BAG6: variants seen among roughly 807,000 people sequenced by gnomAD.
BAG6 encodes the protein BAG cochaperone 6, also known as large proline-rich protein BAG6.
A neutral mutation model predicts 121.0 loss-of-function variants in BAG6; 22 were observed. The observed-to-expected ratio is 0.18, with a 90% confidence interval of 0.13 to 0.26. BAG6 has a LOEUF of 0.26. BAG6 is among the 10% of genes least tolerant of loss of function. The pLI is 1.00. For synonymous variants in BAG6, 583 were observed against 584.6 expected (o/e 1.00, Z 0.04); for missense variants, 1,233 against 1,537.7 (o/e 0.80, Z 3.31).
rs370801290 is a variant in BAG6, at chr6:31,639,265, C to G, written c.3394-39G>C. 2 of 1,577,294 alleles carry G rather than the reference C, an allele frequency of 1.3e-6. 1 individual carries two copies. Among genetic ancestry groups the G allele is most frequent in the South Asian group, 2.2e-5 (2 of 89,272 alleles). ...GTAAGCAGGTTGGAGAAACGCTGGC[C>G]AAGTCCCCATGATCCCAGCAAGCAC... On this transcript the variant is annotated intron_variant, in intron 25 of 25. Coordinates refer to ENST00000676615, the MANE Select transcript of BAG6 (RefSeq NM_001387994.1).
intron 7 of BAG6, among the ~76,000 whole-genome samples, chr6:31,647,342 A>G (rs746569373): frequency 7.9e-5 from 12 of 152,192 alleles, no homozygotes; most frequent in Non-Finnish European, 1.5e-4. Context: ...GTGAACTCAG[A>G]GGAGAATTCC....
At chr6:31,642,442 T>A in intron 15 of BAG6, 39 bp from the exon 16 acceptor site, 1 of 921,792 alleles carries the variant, frequency 1.1e-6, no homozygotes, top group Non-Finnish European at 1.7e-6. Flanking sequence ...GAAAGTGAGG[T>A]GAGAATGAAG....
intron 2 of BAG6, among the ~76,000 whole-genome samples, chr6:31,650,956 A>G (rs1182767491): frequency 6.6e-6 from 1 of 152,210 alleles, no homozygotes; most frequent in Non-Finnish European, 1.5e-5. Context: ...ACCTATCTCC[A>G]TTATGGGTTC....
Position 31,649,302 on chromosome 6 carries a change from G to A in BAG6, c.320C>T (p.Ala107Val). 6.2e-7 allele frequency: 1 copy of A among 1,613,356 alleles called. No homozygotes were observed. Among genetic ancestry groups the A allele is most frequent in the Non-Finnish European group, 8.5e-7 (1 of 1,179,994 alleles). ...GASSGTGSAS[A>V]THGGGSPPGT... ...AGGGGGGGATCCCCCACCATGAGTG[G>A]CTGAGGCAGACCCCGTCCCAGAAGA... The change falls in exon 4 of 26, where the codon GCC becomes GTC. Residue 107 changes from alanine (A) to valine (V), a missense_variant. By Grantham distance (64) the Ala-to-Val change is moderately conservative. Transcript: ENST00000676615.
chr6:31,651,959 G>A, intron 1 of BAG6, 183 bp from the exon 2 acceptor site: 1 of 549,718 alleles, frequency 1.8e-6, no homozygotes, highest in East Asian at 2.8e-5. Flanking sequence ...AAGGGCAGGA[G>A]ATCGACGGCT....
Position 31,651,284 on chromosome 6 carries a change from A to G in BAG6, c.108+372T>C, listed in dbSNP as rs1423695941. Among the ~76,000 whole-genome samples, 2 of 152,274 alleles carry G rather than the reference A, an allele frequency of 1.3e-5. 1 individual carries two copies. Among genetic ancestry groups the G allele is most frequent in the Admixed American group, 1.3e-4 (2 of 15,284 alleles). ...CCAGGTGCGGTGGCTCATGCCTGTA[A>G]TACCAGCACTTTGGGAGGCCGAGGA... is the stretch of plus-strand genomic sequence containing the variant. On this transcript the variant is annotated intron_variant, in intron 2 of 25. Coordinates refer to ENST00000676615, the MANE Select transcript of BAG6 (RefSeq NM_001387994.1).
At chr6:31,648,039 A>G (rs559924277) in intron 6 of BAG6, among the ~76,000 whole-genome samples, 91 of 148,910 alleles carry the variant, frequency 6.1e-4, no homozygotes, top group African/African-American at 2.1e-3. Flanking sequence ...TTTTTGAGAC[A>G]GAGTCTCGCT....
At chr6:31,639,872 G>T in intron 24 of BAG6, 1 of 661,202 alleles carries the variant, frequency 1.5e-6, no homozygotes, top group Non-Finnish European at 2.5e-6. Context: ...TCTTCAAAAC[G>T]AAAGGCAGAA....
chr6:31,644,320 G>GA lies in BAG6; in HGVS notation c.1541_1542insT (p.Ser515LeufsTer120). On this transcript the variant is annotated frameshift_variant, in exon 12 of 26. Coordinates refer to ENST00000676615, the MANE Select transcript of BAG6 (RefSeq NM_001387994.1). LOFTEE classifies it high-confidence loss of function. This position sits in a 1 kb window ranked among gnomAD's most constrained non-coding sequence, Gnocchi z 4.9. ...CCAGGTCATTACCTGCGGCCGCGGA[G>GA]GCAACAGCTGCCACCATGGCCTGAT... 6.4e-7 allele frequency: 1 copy of GA among 1,551,800 alleles called. No individual in the cohort carries two copies. The highest frequency in any genetic ancestry group is 8.7e-7 in the Non-Finnish European group (1 of 1,147,170).
Position 31,639,589 on chromosome 6 carries a change from T to C in BAG6, c.3304A>G (p.Lys1102Glu). 1 of 1,614,048 alleles carries C rather than the reference T, an allele frequency of 6.2e-7. No individual in the cohort carries two copies. Reference sequence around the variant, plus strand: ...GTCAGGGGCCGAGCTCCGGCTGCCTTAGCTGCCCGGCTCACAGCCTCTGAG... The same window carrying C: ...GTCAGGGGCCGAGCTCCGGCTGCCTCAGCTGCCCGGCTCACAGCCTCTGAG... The part of the protein sequence containing the change: ...LLSEAVSRAA[K>E]AAGARPLTSP... Residue 1102 changes from lysine (K) to glutamate (E), a missense_variant, in exon 25 of 26, where the codon AAG (lysine) becomes GAG (glutamate). Lys to Glu is a moderately conservative substitution (Grantham distance 56). Around this residue, in one of 7 missense-constraint regions of BAG6, gnomAD observed 102 missense variants for 103.2 expected, o/e 0.99. Coordinates refer to ENST00000676615, the MANE Select transcript of BAG6 (RefSeq NM_001387994.1).
Position 31,649,112 on chromosome 6 carries a change from G to A in BAG6, c.423+87C>T, listed in dbSNP as rs562038939. On this transcript the variant is annotated intron_variant, in intron 4 of 25. Coordinates refer to ENST00000676615, the MANE Select transcript of BAG6 (RefSeq NM_001387994.1). ...CAGGGCCCCCTGAACCCAATCTAAA[G>A]ATGGAAGCATCTATCTTATTAATTC... The A allele has an allele frequency of 2.6e-6, 4 of 1,558,830 alleles. 1 individual carries two copies. In the South Asian group the frequency reaches 3.4e-5, roughly 13 times the overall value.
rs779093154 is a variant in BAG6 at position 31,639,118 on chromosome 6, A to T, written c.*13T>A. On this transcript the variant is annotated 3_prime_UTR_variant, in exon 26 of 26. Coordinates refer to ENST00000676615, the MANE Select transcript of BAG6 (RefSeq NM_001387994.1). ...AACGGTCCCCTGATGAGGAAGGGCCATAGAGCAAAGAGCTAAGGATCATCA... is the reference window on the plus strand; with the variant it reads ...AACGGTCCCCTGATGAGGAAGGGCCTTAGAGCAAAGAGCTAAGGATCATCA... 3.7e-6 allele frequency: 6 copies of T among 1,603,556 alleles called. No homozygotes were observed. Among genetic ancestry groups the T allele is most frequent in the Non-Finnish European group, 4.3e-6 (5 of 1,173,500 alleles).
rs762152993 is a variant in BAG6 at position 31,649,279 on chromosome 6, G to A, written c.343C>T (p.Pro115Ser). 2 of 1,613,138 alleles carry A rather than the reference G, an allele frequency of 1.2e-6. No homozygotes were observed. ...ASATHGGGSPPGTRGPGASVH... is the reference protein window; with the variant it reads ...ASATHGGGSPSGTRGPGASVH... ...GAGGCCCCAGGCCCCCGAGTACCAG[G>A]GGGGGATCCCCCACCATGAGTGGCT... The change falls in exon 4 of 26, where the codon CCT becomes TCT. Residue 115 changes from proline to serine, a missense_variant. Physicochemically the swap from Pro to Ser is moderately conservative, Grantham distance 74. Transcript: ENST00000676615.
At position 31,640,955 on chromosome 6, in the gene BAG6, A is replaced by C. The variant is rs1782139973; in HGVS notation, c.2788-17T>G. 1 of 1,610,518 alleles carries C rather than the reference A, an allele frequency of 6.2e-7. No homozygotes were observed. Among genetic ancestry groups the C allele is most frequent in the African/African-American group, 1.3e-5 (1 of 74,846 alleles). On this transcript the variant is annotated splice_polypyrimidine_tract_variant and intron_variant, in intron 20 of 25. Coordinates refer to ENST00000676615, the MANE Select transcript of BAG6 (RefSeq NM_001387994.1). The surrounding 1 kb of genome is among the most constrained non-coding windows in gnomAD (Gnocchi z 4.2). ...CATACGACGCTGAGGGACAGAAAGC[A>C]GATTTAGAACACAAAACCCTCAACC... is the stretch of plus-strand genomic sequence containing the variant.
Position 31,639,036 on chromosome 6 carries a change from AAGC to A in BAG6, c.*92_*94del, listed in dbSNP as rs1779299446. ...ACCTAATGGAGACAATGTAGAGAGA[AAGC>A]AGCCAGAAAAATCCGACTTTTATTT... is the stretch of plus-strand genomic sequence containing the variant. On this transcript the variant is annotated 3_prime_UTR_variant, in exon 26 of 26. Coordinates refer to ENST00000676615, the MANE Select transcript of BAG6 (RefSeq NM_001387994.1). 4 of 991,130 alleles carry A rather than the reference AAGC, an allele frequency of 4.0e-6. No individual in the cohort carries two copies. Among genetic ancestry groups the A allele is most frequent in the South Asian group, 1.6e-5 (1 of 63,796 alleles). The allele number at this position is 991,130 out of a possible 1,614,324, so 61.4% of individuals were successfully genotyped here. A position where few individuals can be genotyped will look rare whatever the true frequency, so the allele number is the denominator to read the frequency against.
Position 31,643,048 on chromosome 6 carries a change from G to C in BAG6, c.1824C>G (p.Thr608=). 6.3e-7 allele frequency: 1 copy of C among 1,589,132 alleles called. No homozygotes were observed. Among genetic ancestry groups the C allele is most frequent in the Non-Finnish European group, 8.5e-7 (1 of 1,169,828 alleles). Residue 608 remains threonine, a synonymous_variant, in exon 15 of 26, where the codon ACC becomes ACG. Transcript: ENST00000676615. ...PATASASAGT[T]NTATTAGPAP... ...CGGGGCCAGCTGTGGTAGCTGTGTT[G>C]GTGGTGCCAGCACTGGCAGAAGCAG...
chr6:31,651,640 T>C lies in BAG6; in HGVS notation c.108+16A>G. On this transcript the variant is annotated intron_variant, in intron 2 of 25. Transcript: ENST00000676615. Reference sequence around the variant, plus strand: ...AAAAGCTAAAGGTGTCTTCCAGAACTAGTGAGGTGTCTCACCTGGGCCCCC... The same window carrying C: ...AAAAGCTAAAGGTGTCTTCCAGAACCAGTGAGGTGTCTCACCTGGGCCCCC... The C allele has an allele frequency of 6.2e-7, 1 of 1,607,456 alleles. No individual in the cohort carries two copies. Among genetic ancestry groups the C allele is most frequent in the South Asian group, 1.1e-5 (1 of 90,990 alleles).
In BAG6 at chr6:31,651,557, G is replaced by C. The variant is rs996129860; in HGVS notation, c.108+99C>G. On this transcript the variant is annotated intron_variant, in intron 2 of 25. Coordinates refer to ENST00000676615, the MANE Select transcript of BAG6 (RefSeq NM_001387994.1). ...CCATCTCAAAAAAAAGAAAAAAAAA[G>C]AAAATCTGGTGACCAGAAAATCAAG... 3.9e-5 allele frequency: 44 copies of C among 1,113,984 alleles called. No homozygotes were observed. In the African/African-American group the frequency reaches 5.9e-4, roughly 15 times the overall value. The allele number at this position is 1,113,984 out of a possible 1,614,324, so 69.0% of individuals were successfully genotyped here. A position where few individuals can be genotyped will look rare whatever the true frequency, so the allele number is the denominator to read the frequency against.
chr6:31,639,644 C>G lies in BAG6; in HGVS notation c.3249G>C (p.Thr1083=), dbSNP rs148136430. ...GCAGCTGGGGGCCCTCACCCTGCATCGTCTGGGGGACAGGGGGTTGGGAGG... is the reference window on the plus strand; with the variant it reads ...GCAGCTGGGGGCCCTCACCCTGCATGGTCTGGGGGACAGGGGGTTGGGAGG... The part of the protein sequence containing the change: ...LSGMPAKRRK[T]MQGEGPQLLL... Residue 1083 remains threonine (T), a splice_region_variant and synonymous_variant, in exon 25 of 26, where the codon ACG becomes ACC. Transcript: ENST00000676615. 1 of 1,607,742 alleles carries G rather than the reference C, an allele frequency of 6.2e-7. No homozygotes were observed. Among genetic ancestry groups the G allele is most frequent in the East Asian group, 2.2e-5 (1 of 44,742 alleles).
Sources: allele counts gnomAD v4.1 joint callset (sites outside exome capture counted in the v4.1 genomes callset), GRCh38; gene constraint gnomAD v4.1.1; regional missense constraint gnomAD v4.1.1; non-coding constraint Gnocchi (gnomAD v3.1); transcripts MANE v1.5; gene names NCBI Gene and HGNC (gene_info 2026-07-23, HGNC 2026-07-21).